Variants in MKX observed in about 807,000 individuals in gnomAD.
MKX encodes the protein mohawk homeobox.
A neutral mutation model predicts 36.0 loss-of-function variants in MKX; 13 were observed. The observed-to-expected ratio is 0.36, with a 90% CI of 0.24 to 0.57. The LOEUF (loss-of-function observed/expected upper bound fraction) is 0.57. Among genes scored for constraint, MKX ranks in the 20% least tolerant of loss-of-function variants. The pLI is 0.79. For synonymous variants in MKX, 176 were observed against 178.3 expected (o/e 0.99, Z 0.10); for missense variants, 458 against 456.4 (o/e 1.00, Z -0.03).
chr10:27,727,458 G>C (rs775977435), intron 5 of MKX, among the ~76,000 whole-genome samples: 9 of 152,238 alleles, frequency 5.9e-5, no homozygotes, highest in African/African-American at 9.6e-5. Flanking sequence ...ATTTTTGCAA[G>C]TGAAGCCAGA....
chr10:27,711,584 CT>C (rs1203292891), intron 5 of MKX, among the ~76,000 whole-genome samples: 1 of 111,254 alleles, frequency 9.0e-6, no homozygotes, highest in South Asian at 3.0e-4. Flanking sequence ...TTCTTTTTTT[CT>C]TTTTTTTTCT....
chr10:27,734,403 A>T, intron 5 of MKX, 53 bp downstream of exon 5: 2 of 1,469,284 alleles, frequency 1.4e-6, no homozygotes, highest in South Asian at 1.2e-5. Flanking sequence ...ATGCAGTTTT[A>T]ATTGTGCTTT....
At position 27,732,532 on chromosome 10, in the gene MKX, G is replaced by A. The variant is rs115010237; in HGVS notation, c.838+1924C>T. Among the ~76,000 whole-genome samples, 645 of 151,864 alleles carry A rather than the reference G, an allele frequency of 4.2e-3. 4 individuals carry two copies. The highest frequency in any genetic ancestry group is 0.015 in the African/African-American group (608 of 41,438). ...TTTGTAATTTCCAATTTTAATTTGC[G>A]TCGATTTTTGCTTGTTTAATTTATT... On this transcript the variant is annotated intron_variant, in intron 5 of 6. Coordinates refer to ENST00000419761, the MANE Select transcript of MKX (RefSeq NM_173576.3).
At chr10:27,704,151 T>A (rs1439816027) in intron 5 of MKX, among the ~76,000 whole-genome samples, 1 of 152,134 alleles carries the variant, frequency 6.6e-6, no homozygotes. Flanking sequence ...TAAGAAGTGT[T>A]CAAGGCCAAT....
At chr10:27,740,434 G>C (rs1194129178) in intron 3 of MKX, among the ~76,000 whole-genome samples, 9 of 152,300 alleles carry the variant, frequency 5.9e-5, no homozygotes, top group African/African-American at 1.7e-4. Flanking sequence ...ATTGTGACAT[G>C]ACGGGAAGAG....
In MKX at chr10:27,744,912, G is replaced by C. The variant is rs907428408; in HGVS notation, c.-83+795C>G. 1.3e-5 allele frequency: 2 copies of C among 152,308 alleles called. No individual in the cohort carries two copies. Among genetic ancestry groups the C allele is most frequent in the African/African-American group, 4.8e-5 (2 of 41,444 alleles). 9.4% of individuals were successfully genotyped at this position (152,308 alleles called of 1,614,324 possible). A position where few individuals can be genotyped will look rare whatever the true frequency, so the allele number is the denominator to read the frequency against. ...TGAAGTCAGACCTCTGCTGGATGTC[G>C]TGTGTCCCCTAGGACTGCGTCCTCC... On this transcript the variant is annotated intron_variant, in intron 1 of 6. Transcript: ENST00000419761. This position sits in a 1 kb window ranked among gnomAD's most constrained non-coding sequence, Gnocchi z 5.6.
chr10:27,676,778 T>C (rs566394645), intron 5 of MKX, among the ~76,000 whole-genome samples: 1 of 152,242 alleles, frequency 6.6e-6, no homozygotes, highest in Non-Finnish European at 1.5e-5. Flanking sequence ...CAGGATTTCC[T>C]GGCATATTTA....
At chr10:27,743,994 C>T (rs1377869546) in intron 1 of MKX, among the ~76,000 whole-genome samples, 3 of 152,054 alleles carry the variant, frequency 2.0e-5, no homozygotes, top group Non-Finnish European at 2.9e-5. Flanking sequence ...CCACAAGACC[C>T]CCCAGCTCAT....
At chr10:27,745,206 G>C (rs1337222244) in intron 1 of MKX, among the ~76,000 whole-genome samples, 3 of 152,064 alleles carry the variant, frequency 2.0e-5, no homozygotes, top group African/African-American at 7.2e-5. Context: ...TAGCCACCTC[G>C]GACACTTCCC....
intron 5 of MKX, among the ~76,000 whole-genome samples, chr10:27,681,710 A>C (rs1342173043): frequency 1.3e-5 from 2 of 152,060 alleles, no homozygotes; most frequent in African/African-American, 4.8e-5. Flanking sequence ...ACTTGAGGCC[A>C]GGAGTTCGAA....
At position 27,695,949 on chromosome 10, in the gene MKX, C is replaced by T. The variant is rs542905915; in HGVS notation, c.839-20395G>A. On this transcript the variant is annotated intron_variant, in intron 5 of 6. Transcript: ENST00000419761. ...GAAGTATTCAAATGGAAATTCCATG[C>T]TAACTTTAGTAGTTATAAAGACACA... Among the ~76,000 whole-genome samples, 7 of 152,242 alleles carry T rather than the reference C, an allele frequency of 4.6e-5. 1 individual carries two copies. In the East Asian group the frequency reaches 1.4e-3, roughly 29 times the overall value.
At chr10:27,738,357 T>A (rs1362330759) in intron 3 of MKX, among the ~76,000 whole-genome samples, 1 of 152,080 alleles carries the variant, frequency 6.6e-6, no homozygotes. Flanking sequence ...TCCATCTGTT[T>A]CACTGAAGGT....
In MKX at chr10:27,673,514, G is replaced by T. The variant is rs1836087024; in HGVS notation, c.*1715C>A. ...CAAAGATTCCAAAGTTTTTATCAGA[G>T]ATCTCTAACTATTTAAGGATGCAAA... On this transcript the variant is annotated 3_prime_UTR_variant, in exon 7 of 7. Transcript: ENST00000419761. The T allele has an allele frequency of 6.6e-6, 1 of 152,572 alleles. No homozygotes were observed. Among genetic ancestry groups the T allele is most frequent in the South Asian group, 2.1e-4 (1 of 4,828 alleles). The allele number at this position is 152,572 out of a possible 1,614,324, so 9.5% of individuals were successfully genotyped here.
chr10:27,732,579 CTT>C (rs1221104359), intron 5 of MKX, among the ~76,000 whole-genome samples: 8 of 152,078 alleles, frequency 5.3e-5, no homozygotes, highest in Admixed American at 2.6e-4. Context: ...AGAGTCAACT[CTT>C]ATTTATTTTT....
intron 3 of MKX, among the ~76,000 whole-genome samples, chr10:27,737,996 C>T (rs976477671): frequency 6.6e-6 from 1 of 151,954 alleles, no homozygotes; most frequent in Non-Finnish European, 1.5e-5. Context: ...AGGGGATTAA[C>T]TAACTTTTCA....
rs1008475024 is a variant in MKX, at chr10:27,674,374, A to C, written c.*855T>G. The C allele has an allele frequency of 2.0e-5, 3 of 152,652 alleles. No individual in the cohort carries two copies. The highest frequency in any genetic ancestry group is 4.4e-5 in the Non-Finnish European group (3 of 68,046). The allele number at this position is 152,652 out of a possible 1,614,324, so 9.5% of individuals were successfully genotyped here. The stretch of plus-strand genomic sequence containing the variant: ...CGAACACAGTTTCCATCACAAAAAG[A>C]CAGTGAGCTCTAATGCAAACAGGAT... On this transcript the variant is annotated 3_prime_UTR_variant, in exon 7 of 7. Coordinates refer to ENST00000419761, the MANE Select transcript of MKX (RefSeq NM_173576.3).
intron 5 of MKX, among the ~76,000 whole-genome samples, chr10:27,685,467 G>C (rs1361021729): frequency 7.1e-5 from 5 of 70,700 alleles, no homozygotes; most frequent in Non-Finnish European, 1.4e-4. Context: ...TTTTTTTTTT[G>C]AGACGGAGTC....
At chr10:27,720,384 T>C (rs1834351261) in intron 5 of MKX, among the ~76,000 whole-genome samples, 1 of 151,386 alleles carries the variant, frequency 6.6e-6, no homozygotes, top group Non-Finnish European at 1.5e-5. Context: ...AATTATTAAA[T>C]AATGTTAATA....
At chr10:27,696,164 G>GA (rs1836550654) in intron 5 of MKX, among the ~76,000 whole-genome samples, 1 of 152,110 alleles carries the variant, frequency 6.6e-6, no homozygotes, top group African/African-American at 2.4e-5. Context: ...TGGGACCTCC[G>GA]ATATTGGGGT....
Sources: allele counts gnomAD v4.1 joint callset (sites outside exome capture counted in the v4.1 genomes callset), GRCh38; gene constraint gnomAD v4.1.1; non-coding constraint Gnocchi (gnomAD v3.1); transcripts MANE v1.5; gene names NCBI Gene and HGNC (gene_info 2026-07-23, HGNC 2026-07-21).